The following GRID2 variants were observed in gnomAD, a reference collection of about 807,000 sequenced individuals.
GRID2 encodes the protein glutamate ionotropic receptor delta type subunit 2.
Under a neutral mutation model 114.8 loss-of-function variants are expected in GRID2, and 33 were observed. The ratio of observed to expected loss-of-function variants is 0.29; its 90% CI spans 0.22 to 0.38. GRID2 has a LOEUF of 0.38. GRID2 is among the 10% of genes least tolerant of loss of function. The pLI is 1.00. For synonymous variants in GRID2, 505 were observed against 449.9 expected (o/e 1.12, Z -1.55); for missense variants, 1,184 against 1,257.7 (o/e 0.94, Z 0.89).
At chr4:93,317,984 G>GAAAT (rs1756839151) in intron 8 of GRID2, among the ~76,000 whole-genome samples, 1 of 34,792 alleles carries the variant, frequency 2.9e-5, no homozygotes, top group Non-Finnish European at 5.8e-5. Flanking sequence ...CTTTAAAAGT[G>GAAAT]AAATATATAT....
rs189734553 is a variant in GRID2, at chr4:92,400,952, G to A, written c.88+96208G>A. Among the ~76,000 whole-genome samples, 9 of 152,018 alleles carry A rather than the reference G, an allele frequency of 5.9e-5. No homozygotes were observed. The East Asian group carries it at 9.7e-4, about 16-fold the overall frequency. ...AAATTTTTAAATTTATCTTTTTATC[G>A]TTAACATGTAAGAGTTATTTAAATA... On this transcript the variant is annotated intron_variant, in intron 1 of 15. Coordinates refer to ENST00000282020, the MANE Select transcript of GRID2 (RefSeq NM_001510.4).
intron 14 of GRID2, among the ~76,000 whole-genome samples, chr4:93,686,138 A>G (rs544367166): frequency 3.3e-4 from 50 of 151,994 alleles, no homozygotes; most frequent in Admixed American, 3.0e-3. Flanking sequence ...AACTATCTCT[A>G]CGTCTCGTAT....
intron 2 of GRID2, among the ~76,000 whole-genome samples, chr4:92,905,020 T>G (rs965091293): frequency 1.3e-5 from 2 of 152,064 alleles, no homozygotes; most frequent in South Asian, 4.1e-4. Flanking sequence ...CAGTCTCTTG[T>G]GACCTTTTAG....
intron 14 of GRID2, among the ~76,000 whole-genome samples, chr4:93,690,427 T>C (rs1057454830): frequency 8.5e-5 from 13 of 152,120 alleles, no homozygotes; most frequent in African/African-American, 3.1e-4. Context: ...GCAGTGAACA[T>C]ATTTGTGTAT....
chr4:93,724,740 G>A (rs1352134452), intron 14 of GRID2, among the ~76,000 whole-genome samples: 1 of 151,946 alleles, frequency 6.6e-6, no homozygotes, highest in East Asian at 1.9e-4. Context: ...GTCCAGTAGG[G>A]GAGAGAGAGG....
chr4:92,595,695 A>G (rs1038029149), intron 2 of GRID2, among the ~76,000 whole-genome samples: 3 of 152,096 alleles, frequency 2.0e-5, no homozygotes, highest in African/African-American at 7.2e-5. Flanking sequence ...TATGTTACCA[A>G]TCTCATTTCT....
At chr4:92,754,029 C>T (rs1737587883) in intron 2 of GRID2, among the ~76,000 whole-genome samples, 1 of 152,172 alleles carries the variant, frequency 6.6e-6, no homozygotes, top group African/African-American at 2.4e-5. Flanking sequence ...ACAACATAAA[C>T]ACAAACACAT....
At chr4:92,608,092 C>T (rs1729546252) in intron 2 of GRID2, among the ~76,000 whole-genome samples, 1 of 151,620 alleles carries the variant, frequency 6.6e-6, no homozygotes, top group African/African-American at 2.4e-5. Flanking sequence ...AAAAATAAAT[C>T]CTTGCGACTG....
chr4:92,322,315 C>T (rs1377071529), intron 1 of GRID2, among the ~76,000 whole-genome samples: 1 of 151,282 alleles, frequency 6.6e-6, no homozygotes. Context: ...GTCTTGGTGG[C>T]GACACTCTTT....
At chr4:92,918,360 T>C (rs917090955) in intron 2 of GRID2, among the ~76,000 whole-genome samples, 18 of 152,286 alleles carry the variant, frequency 1.2e-4, no homozygotes, top group Non-Finnish European at 2.4e-4. Context: ...TCCTACCTGA[T>C]TGCCCTGGCC....
intron 2 of GRID2, among the ~76,000 whole-genome samples, chr4:93,019,602 G>A (rs556821476): frequency 3.3e-5 from 5 of 152,212 alleles, no homozygotes; most frequent in South Asian, 2.1e-4. Flanking sequence ...GCAGAAGATA[G>A]TCAGACTAGT....
chr4:93,141,527 C>A (rs957391333), intron 4 of GRID2, among the ~76,000 whole-genome samples: 1 of 151,930 alleles, frequency 6.6e-6, no homozygotes, highest in Non-Finnish European at 1.5e-5. Context: ...AAATAGAAAA[C>A]TAAGGTATAC....
At chr4:93,580,685 A>C (rs979512657) in intron 13 of GRID2, among the ~76,000 whole-genome samples, 7 of 152,076 alleles carry the variant, frequency 4.6e-5, no homozygotes, top group African/African-American at 1.7e-4. Context: ...TACATGGTTA[A>C]TTGTCAGAAA....
At chr4:93,304,356 T>C (rs182829584) in intron 8 of GRID2, among the ~76,000 whole-genome samples, 145 of 150,980 alleles carry the variant, frequency 9.6e-4, no homozygotes, top group African/African-American at 3.4e-3. Context: ...AAGAATGCAG[T>C]GGAGAGAGAG....
chr4:92,574,977 C>T (rs896244962), intron 1 of GRID2, among the ~76,000 whole-genome samples: 1 of 152,120 alleles, frequency 6.6e-6, no homozygotes, highest in Non-Finnish European at 1.5e-5. Context: ...TAGATTCTGT[C>T]TCTTTAGATA....
chr4:93,506,844 G>T (rs555682574), intron 12 of GRID2, among the ~76,000 whole-genome samples: 27 of 152,190 alleles, frequency 1.8e-4, no homozygotes, highest in South Asian at 1.0e-3. Flanking sequence ...TCTTCCAAAG[G>T]CTTCTGCTGT....
At chr4:92,567,304 T>C (rs966481025) in intron 1 of GRID2, among the ~76,000 whole-genome samples, 1 of 152,040 alleles carries the variant, frequency 6.6e-6, no homozygotes, top group Non-Finnish European at 1.5e-5. Flanking sequence ...TAGAATATGT[T>C]GTTTTCTACT....
At chr4:93,038,904 G>A (rs141518021) in intron 2 of GRID2, among the ~76,000 whole-genome samples, 1,920 of 152,268 alleles carry the variant, frequency 0.013, 20 homozygotes, top group Non-Finnish European at 0.02. Flanking sequence ...GTAGAAGACA[G>A]TGTGGCGATT....
chr4:93,125,734 A>G (rs1734206328), intron 4 of GRID2, among the ~76,000 whole-genome samples: 1 of 152,162 alleles, frequency 6.6e-6, no homozygotes, highest in Non-Finnish European at 1.5e-5. Flanking sequence ...ATTTTGAAAA[A>G]TTATTGTAAT....
Sources: allele counts gnomAD v4.1 joint callset (sites outside exome capture counted in the v4.1 genomes callset), GRCh38; gene constraint gnomAD v4.1.1; transcripts MANE v1.5; gene names NCBI Gene and HGNC (gene_info 2026-07-23, HGNC 2026-07-21).